The following DHCR24 variants were observed in gnomAD, a reference collection of about 807,000 sequenced individuals.
The protein encoded by DHCR24 is delta(24)-sterol reductase.
In DHCR24, 28 loss-of-function variants were observed where a neutral mutation model predicts 61.2. The observed-to-expected ratio is 0.46, with a 90% CI of 0.34 to 0.63. DHCR24 has a LOEUF of 0.63. Ranked by LOEUF, DHCR24 falls within the 20% of genes least tolerant of loss-of-function variation. DHCR24 has a pLI of 0.01. For synonymous variants in DHCR24, 261 were observed against 275.9 expected, an observed-to-expected ratio of 0.95 and a Z score of 0.54; for missense variants, 538 against 679.1, an observed-to-expected ratio of 0.79 and a Z score of 2.31.
At position 54,881,669 on chromosome 1, in the gene DHCR24, T is replaced by C. The variant is rs537501930; in HGVS notation, c.387+1949A>G. ...ATACCCAAAGGAATATAAACCATTG[T>C]ATCATAAAGACACATGCATGTGTAT... On this transcript the variant is annotated intron_variant, in intron 2 of 8. Transcript: ENST00000371269. Among the ~76,000 whole-genome samples the C allele has an allele frequency of 4.2e-4, 64 of 152,302 alleles. No homozygotes were observed. The South Asian group carries it at 8.9e-3, about 21-fold the overall frequency.
At chr1:54,882,122 A>G (rs1647066508) in intron 2 of DHCR24, among the ~76,000 whole-genome samples, 1 of 52,508 alleles carries the variant, frequency 1.9e-5, no homozygotes, top group East Asian at 6.9e-4. Context: ...ACTTAATTTA[A>G]AAGTTTAAAA....
At chr1:54,880,429 TTC>T in intron 2 of DHCR24, among the ~76,000 whole-genome samples, 1 of 152,156 alleles carries the variant, frequency 6.6e-6, no homozygotes, top group East Asian at 1.9e-4. Flanking sequence ...GAGAAAGCCT[TTC>T]TGACATTGGA....
chr1:54,881,312 T>C (rs372599030), intron 2 of DHCR24, among the ~76,000 whole-genome samples: 2 of 151,946 alleles, frequency 1.3e-5, no homozygotes, highest in East Asian at 1.9e-4. Flanking sequence ...ACAACCCCCA[T>C]TAAAAAGTGA....
At chr1:54,876,515 G>A (rs766362668) in intron 2 of DHCR24, among the ~76,000 whole-genome samples, 9 of 152,042 alleles carry the variant, frequency 5.9e-5, no homozygotes, top group Non-Finnish European at 1.0e-4. Flanking sequence ...TTAGCCAGGC[G>A]TGGTGGCGGG....
At chr1:54,853,337 G>A in intron 8 of DHCR24, 97 bp downstream of exon 8, 1 of 1,497,120 alleles carries the variant, frequency 6.7e-7, no homozygotes, top group Non-Finnish European at 9.2e-7. Flanking sequence ...TGATAGGCTT[G>A]GGGCTCCTGG....
chr1:54,885,450 G>A lies in DHCR24; in HGVS notation c.231+1439C>T, dbSNP rs867325710. ...CTATAGGGGGGAAGGGAAAGCCTGG[G>A]AAAGAAGAAATGTCAGAGTTCAGGC... On this transcript the variant is annotated intron_variant, in intron 1 of 8. Transcript: ENST00000371269. Among the ~76,000 whole-genome samples the A allele has an allele frequency of 8.5e-4, 130 of 152,286 alleles. 1 individual carries two copies. The highest frequency in any genetic ancestry group is 2.8e-3 in the African/African-American group (118 of 41,552).
In DHCR24 at chr1:54,851,559, A is replaced by G. The variant is rs192813255; in HGVS notation, c.*674T>C. ...CTGGGGTGGGCCTGCAGGCCCAGGCATGAAGGAGGAAGGGGCAGGACGGCA... is the reference window on the plus strand; with the variant it reads ...CTGGGGTGGGCCTGCAGGCCCAGGCGTGAAGGAGGAAGGGGCAGGACGGCA... On this transcript the variant is annotated 3_prime_UTR_variant, in exon 9 of 9. Transcript: ENST00000371269. The G allele has an allele frequency of 1.3e-5, 2 of 153,404 alleles. No individual in the cohort carries two copies. Among genetic ancestry groups the G allele is most frequent in the East Asian group, 3.9e-4 (2 of 5,186 alleles). 9.5% of individuals were successfully genotyped at this position (153,404 alleles called of 1,614,324 possible). A position where few individuals can be genotyped will look rare whatever the true frequency, so the allele number is the denominator to read the frequency against.
In DHCR24 at chr1:54,871,465, T is replaced by A; in HGVS notation, c.761A>T (p.Lys254Met). ...CTGCCGCTGGGACTCGTGGGTGAAC[T>A]TGGCACAGATAGCCTCCAGGCCCCG... ...PVRGLEAICAKFTHESQRQEN... is the reference protein window; with the variant it reads ...PVRGLEAICAMFTHESQRQEN... Residue 254 changes from lysine to methionine, a missense_variant, in exon 5 of 9, where the codon AAG becomes ATG. Coordinates refer to ENST00000371269, the MANE Select transcript of DHCR24 (RefSeq NM_014762.4). 4 of 1,614,228 alleles carry A rather than the reference T, an allele frequency of 2.5e-6. No homozygotes were observed. The highest frequency in any genetic ancestry group is 3.4e-6 in the Non-Finnish European group (4 of 1,180,044).
chr1:54,880,779 TAAAC>T (rs34524631), intron 2 of DHCR24, among the ~76,000 whole-genome samples: 88 of 150,478 alleles, frequency 5.8e-4, no homozygotes, highest in African/African-American at 1.1e-3. Flanking sequence ...AACAAAAATA[TAAAC>T]AAACAAACAA....
intron 4 of DHCR24, among the ~76,000 whole-genome samples, chr1:54,874,596 T>C (rs1647016406): frequency 6.6e-6 from 1 of 152,184 alleles, no homozygotes; most frequent in African/African-American, 2.4e-5. Context: ...TTGTTTCTTA[T>C]AACATATCCC....
chr1:54,887,142 G>A lies in DHCR24; in HGVS notation c.-23C>T, dbSNP rs1647104563. 3.9e-6 allele frequency: 6 copies of A among 1,544,258 alleles called. No homozygotes were observed. The East Asian group carries it at 9.7e-5, about 25-fold the overall frequency. ...CATGGTGCGGCGCCGCGCGGTAAGC[G>A]CTGCGGGTTCGCGCCTCCTGTCACT... On this transcript the variant is annotated 5_prime_UTR_variant, in exon 1 of 9. Coordinates refer to ENST00000371269, the MANE Select transcript of DHCR24 (RefSeq NM_014762.4).
At chr1:54,864,295 C>T (rs1646955714) in intron 6 of DHCR24, among the ~76,000 whole-genome samples, 1 of 152,200 alleles carries the variant, frequency 6.6e-6, no homozygotes. Flanking sequence ...AAGGTTGAAA[C>T]AACCCACATG....
chr1:54,879,319 T>C (rs1647051961), intron 2 of DHCR24, among the ~76,000 whole-genome samples: 4 of 26,858 alleles, frequency 1.5e-4, no homozygotes, highest in Non-Finnish European at 2.7e-4. Flanking sequence ...CAAGACTCCA[T>C]CTGAAAAAAA....
intron 5 of DHCR24, among the ~76,000 whole-genome samples, chr1:54,869,287 C>T (rs879580821): frequency 6.6e-6 from 1 of 152,168 alleles, no homozygotes; most frequent in Non-Finnish European, 1.5e-5. Context: ...GGTGTTCTCA[C>T]AGACCATTAC....
chr1:54,858,695 T>G (rs1387434881), intron 6 of DHCR24, among the ~76,000 whole-genome samples: 1 of 152,152 alleles, frequency 6.6e-6, no homozygotes. Flanking sequence ...TGGAGAGCAA[T>G]GGCGCGATCT....
At chr1:54,879,322 G>GAAAAAAAAAAAA (rs58945175) in intron 2 of DHCR24, among the ~76,000 whole-genome samples, 4 of 108,534 alleles carry the variant, frequency 3.7e-5, no homozygotes, top group Admixed American at 1.1e-4. Flanking sequence ...GACTCCATCT[G>GAAAAAAAAAAAA]AAAAAAAAAA....
chr1:54,883,890 CAG>C lies in DHCR24; in HGVS notation c.232-119_232-118del. 6.9e-7 allele frequency: 1 copy of C among 1,443,440 alleles called. No individual in the cohort carries two copies. Among genetic ancestry groups the C allele is most frequent in the Non-Finnish European group, 9.6e-7 (1 of 1,045,098 alleles). 89.4% of individuals were successfully genotyped at this position (1,443,440 alleles called of 1,614,324 possible). A position where few individuals can be genotyped will look rare whatever the true frequency, so the allele number is the denominator to read the frequency against. On this transcript the variant is annotated intron_variant, in intron 1 of 8. Coordinates refer to ENST00000371269, the MANE Select transcript of DHCR24 (RefSeq NM_014762.4). This position sits in a 1 kb window ranked among gnomAD's most constrained non-coding sequence, Gnocchi z 4.3. ...ATGCCTCCATCAGGCACTGGAGAAA[CAG>C]AACAATGAAAAGGCCTGCTGGCCCT...
intron 2 of DHCR24, among the ~76,000 whole-genome samples, chr1:54,879,234 G>A (rs952110103): frequency 2.0e-4 from 30 of 148,430 alleles, no homozygotes; most frequent in African/African-American, 6.2e-4. Context: ...CAGGAGAATC[G>A]CTGGAACCCA....
At chr1:54,873,240 A>G (rs1191213731) in intron 4 of DHCR24, among the ~76,000 whole-genome samples, 2 of 152,260 alleles carry the variant, frequency 1.3e-5, no homozygotes, top group African/African-American at 4.8e-5. Flanking sequence ...GCCTAGTGGT[A>G]TCACTGCTAT....
Sources: allele counts gnomAD v4.1 joint callset (sites outside exome capture counted in the v4.1 genomes callset), GRCh38; gene constraint gnomAD v4.1.1; non-coding constraint Gnocchi (gnomAD v3.1); transcripts MANE v1.5; gene names NCBI Gene and HGNC (gene_info 2026-07-23, HGNC 2026-07-21).